The following BTK variants were observed in gnomAD, a reference collection of about 807,000 sequenced individuals.
BTK encodes tyrosine-protein kinase BTK.
BTK carries 5 observed loss-of-function variants against 57.4 expected under a neutral mutation model. The ratio of observed to expected loss-of-function variants is 0.09; its 90% CI spans 0.05 to 0.18. The LOEUF (loss-of-function observed/expected upper bound fraction) is 0.18, where lower values mean the gene tolerates loss of function less well. Among genes scored for constraint, BTK ranks in the 10% least tolerant of loss-of-function variants. The probability of loss-of-function intolerance (pLI) is 1.00; values close to 1 mark genes in which losing one functional copy is unlikely to be tolerated. For missense variants in BTK, 194 were observed against 501.2 expected (o/e 0.39, Z 5.85); for synonymous variants, 154 against 174.3 (o/e 0.88, Z 0.92).
intron 1 of BTK, among the ~76,000 whole-genome samples, chrX:101,378,950 G>C (rs183396405): frequency 2.3e-4 from 25 of 110,533 alleles, no homozygotes; most frequent in African/African-American, 7.6e-4. Context: ...GAGGCTGGCG[G>C]ATCACTTGAG....
chrX:101,366,968 G>T (rs1372971936), intron 5 of BTK, among the ~76,000 whole-genome samples: 1 of 112,578 alleles, frequency 8.9e-6, no homozygotes, highest in Non-Finnish European at 1.9e-5. Flanking sequence ...GCTCGGCTGG[G>T]CATAGTGGCT....
chrX:101,362,927 A>T (rs1555978925), intron 5 of BTK: 2 of 425,363 alleles, frequency 4.7e-6, no homozygotes, highest in Non-Finnish European at 8.3e-6. Context: ...AGTATCTCCC[A>T]ATCAACAAGA....
chrX:101,366,961 C>T (rs782059986), intron 5 of BTK, among the ~76,000 whole-genome samples: 3 of 112,468 alleles, frequency 2.7e-5, no homozygotes, highest in South Asian at 3.7e-4. Context: ...AAACCAAGCT[C>T]GGCTGGGCAT....
chrX:101,374,036 C>T (rs1198909833), intron 3 of BTK, among the ~76,000 whole-genome samples: 4 of 107,945 alleles, frequency 3.7e-5, no homozygotes, highest in African/African-American at 1.0e-4. Flanking sequence ...CAGAGCGAGA[C>T]TCTGTCTAAA....
intron 7 of BTK, among the ~76,000 whole-genome samples, chrX:101,360,969 A>C (rs1869901785): frequency 9.0e-6 from 1 of 111,541 alleles, no homozygotes; most frequent in Non-Finnish European, 1.9e-5. Flanking sequence ...ATTCCAATGT[A>C]CTTTCGGAGG....
At chrX:101,390,563 TG>T (rs782011947), upstream of BTK, 1 of 515,273 alleles carries the variant, frequency 1.9e-6, no homozygotes, top group Non-Finnish European at 3.5e-6. Context: ...ATAGATGAAC[TG>T]GAACAATTGG....
At chrX:101,353,582 T>G (rs1926370142) in intron 17 of BTK, among the ~76,000 whole-genome samples, 1 of 111,586 alleles carries the variant, frequency 9.0e-6, no homozygotes. Flanking sequence ...TCTTTGCAGT[T>G]ATAGGGTCTG....
chrX:101,355,703 G>A (rs1296153450), intron 15 of BTK: 1 of 288,753 alleles, frequency 3.5e-6, no homozygotes, highest in Non-Finnish European at 6.2e-6. Flanking sequence ...TGACTCTGAA[G>A]GAACCAAATG....
At chrX:101,372,850 G>A (rs1333238149) in intron 3 of BTK, among the ~76,000 whole-genome samples, 4 of 107,999 alleles carry the variant, frequency 3.7e-5, no homozygotes, top group African/African-American at 1.0e-4. Context: ...TTGGGAGGCC[G>A]AGGTGGGAGG....
At chrX:101,351,424 T>C (rs1238856938) in intron 18 of BTK, among the ~76,000 whole-genome samples, 3 of 111,800 alleles carry the variant, frequency 2.7e-5, no homozygotes, top group South Asian at 3.7e-4. Context: ...AAGGTCCTGA[T>C]TGGGAGGGAG....
chrX:101,350,088 G>GCA, intron 18 of BTK, 132 bp from the exon 19 acceptor site: 1 of 288,175 alleles, frequency 3.5e-6, no homozygotes. Context: ...GATTACAAAA[G>GCA]GAAAAAAAAA....
At position 101,356,881 on chromosome X, in the gene BTK, A is replaced by G. The variant is rs144079566; in HGVS notation, c.1252T>C (p.Tyr418His). Reference protein sequence around the residue: ...LGTGQFGVVKYGKWRGQYDVA... With the variant: ...LGTGQFGVVKHGKWRGQYDVA... ...TCGTACTGGCCTCTCCATTTCCCAT[A>G]CTTCACTACCCCAAATTGTCCAGTC... Residue 418 changes from tyrosine to histidine, a missense_variant, in exon 14 of 19, where the codon TAT (tyrosine) becomes CAT (histidine). Physicochemically the swap from Tyr to His is moderately conservative, Grantham distance 83. This residue lies in a region of BTK where 79 missense variants were observed against 217.7 expected (regional missense o/e 0.36). Coordinates refer to ENST00000308731, the MANE Select transcript of BTK (RefSeq NM_000061.3). The G allele has an allele frequency of 3.1e-4, 373 of 1,209,729 alleles. No homozygotes were observed. Among genetic ancestry groups the G allele is most frequent in the Non-Finnish European group, 3.9e-4 (347 of 895,050 alleles).
chrX:101,353,117 T>C, intron 18 of BTK, 77 bp downstream of exon 18: 1 of 980,709 alleles, frequency 1.0e-6, no homozygotes, highest in Non-Finnish European at 1.4e-6. Flanking sequence ...GCTATCAGTC[T>C]TTGGTGGCTG....
Position 101,349,872 on chromosome X carries a change from C to A in BTK, c.*13G>T. 3 of 1,197,368 alleles carry A rather than the reference C, an allele frequency of 2.5e-6. No individual in the cohort carries two copies. The highest frequency in any genetic ancestry group is 3.4e-6 in the Non-Finnish European group (3 of 883,241). On this transcript the variant is annotated 3_prime_UTR_variant, in exon 19 of 19. Coordinates refer to ENST00000308731, the MANE Select transcript of BTK (RefSeq NM_000061.3). ...GGAGAAGAGAAGTAGAACCAAGAAG[C>A]TTATTGGCGAGCTCAGGATTCTTCA...
chrX:101,365,779 ATTAGGATAGG>A (rs1926831043), intron 5 of BTK, among the ~76,000 whole-genome samples: 1 of 112,131 alleles, frequency 8.9e-6, no homozygotes, highest in East Asian at 2.8e-4. Context: ...TGAATTTGCA[ATTAGGATAGG>A]TTCTATTGAG....
At chrX:101,366,532 A>T (rs1926854678) in intron 5 of BTK, among the ~76,000 whole-genome samples, 1 of 111,486 alleles carries the variant, frequency 9.0e-6, no homozygotes, top group Non-Finnish European at 1.9e-5. Context: ...AACAAGAAAA[A>T]AACAAAAAGA....
At chrX:101,375,056 C>T (rs1603019947) in intron 2 of BTK, 88 bp downstream of exon 2, 1 of 1,130,592 alleles carries the variant, frequency 8.8e-7, no homozygotes, top group Non-Finnish European at 1.2e-6. Context: ...CCTCCTCCTA[C>T]CAACGAAAAT....
chrX:101,357,075 C>G, intron 13 of BTK, 120 bp from the exon 14 acceptor site: 1 of 759,656 alleles, frequency 1.3e-6, no homozygotes. Context: ...TTTAGAAGTA[C>G]TAATCTGTCT....
chrX:101,381,868 C>T (rs1927440372), intron 1 of BTK, among the ~76,000 whole-genome samples: 1 of 109,241 alleles, frequency 9.2e-6, no homozygotes, highest in African/African-American at 3.3e-5. Context: ...CCTGTCTCTA[C>T]TAAAAATACA....
Sources: allele counts gnomAD v4.1 joint callset (sites outside exome capture counted in the v4.1 genomes callset), GRCh38; gene constraint gnomAD v4.1.1; regional missense constraint gnomAD v4.1.1; transcripts MANE v1.5; gene names NCBI Gene and HGNC (gene_info 2026-07-23, HGNC 2026-07-21).